The following SRGAP3 variants were observed in gnomAD, a reference collection of about 807,000 sequenced individuals.
SRGAP3 encodes SLIT-ROBO Rho GTPase-activating protein 3.
In SRGAP3, 39 loss-of-function variants were observed where a neutral mutation model predicts 121.1. That is an observed-to-expected ratio of 0.32 (90% confidence interval 0.25 to 0.42). SRGAP3 has a LOEUF of 0.42. Among genes scored for constraint, SRGAP3 ranks in the 10% least tolerant of loss-of-function variants. The pLI, the probability that SRGAP3 is intolerant of heterozygous loss-of-function variation, is 1.00. For missense variants in SRGAP3, 1,213 were observed against 1,470.6 expected, an observed-to-expected ratio of 0.82 and a Z score of 2.86; for synonymous variants, 601 against 570.0, an observed-to-expected ratio of 1.05 and a Z score of -0.77.
chr3:9,089,305 G>C (rs1386527660), intron 3 of SRGAP3, among the ~76,000 whole-genome samples: 1 of 97,410 alleles, frequency 1.0e-5, no homozygotes, highest in Non-Finnish European at 2.3e-5. Context: ...GGGGGGGGGG[G>C]GGGCTGGAGG....
At chr3:9,142,979 A>T (rs1174398302) in intron 1 of SRGAP3, among the ~76,000 whole-genome samples, 1 of 151,524 alleles carries the variant, frequency 6.6e-6, no homozygotes, top group Non-Finnish European at 1.5e-5. Context: ...CTGGGACTAT[A>T]GGCATGCACC....
At position 9,011,490 on chromosome 3, in the gene SRGAP3, C is replaced by T. The variant is rs561198750; in HGVS notation, c.2148-1103G>A. On this transcript the variant is annotated intron_variant, in intron 17 of 21. Transcript: ENST00000383836. ...TGTCACACATGCTATGCTCTGACCA[C>T]ACTGAACTGCTTTTCATTCTACTGA... Among the ~76,000 whole-genome samples the T allele has an allele frequency of 1.2e-4, 19 of 152,346 alleles. 1 individual carries two copies. In the South Asian group the frequency reaches 3.9e-3, roughly 32 times the overall value.
intron 4 of SRGAP3, among the ~76,000 whole-genome samples, chr3:9,070,582 G>C (rs549827929): frequency 6.6e-6 from 1 of 152,288 alleles, no homozygotes; most frequent in African/African-American, 2.4e-5. Flanking sequence ...TGAATGGATG[G>C]GTAGATGGAT....
At chr3:9,362,162 CTTTTTTTTTTT>C (rs36036357) in intron 1 of SRGAP3, among the ~76,000 whole-genome samples, 20 of 90,960 alleles carry the variant, frequency 2.2e-4, no homozygotes, top group South Asian at 7.3e-4. Context: ...AGGTTCAACT[CTTTTTTTTTTT>C]TTTTTTTTTT....
In SRGAP3 at chr3:9,215,464, C is replaced by T. The variant is rs552965755; in HGVS notation, c.67+33421G>A. Among the ~76,000 whole-genome samples, 7 of 152,316 alleles carry T rather than the reference C, an allele frequency of 4.6e-5. No individual in the cohort carries two copies. In the South Asian group the frequency reaches 1.5e-3, roughly 32 times the overall value. ...CCCAGAGCTGTGGTCCTTCTGTGAC[C>T]CAAGCTCCTCTCTGCTCAATGCTGA... On this transcript the variant is annotated intron_variant, in intron 1 of 21. Coordinates refer to ENST00000383836, the MANE Select transcript of SRGAP3 (RefSeq NM_014850.4).
intron 1 of SRGAP3, among the ~76,000 whole-genome samples, chr3:9,341,111 T>C (rs1020962472): frequency 2.0e-5 from 3 of 152,168 alleles, no homozygotes; most frequent in Non-Finnish European, 4.4e-5. Context: ...CCTATGTGAT[T>C]AGGACACCAC....
chr3:9,124,323 G>A (rs1367991091), intron 2 of SRGAP3, among the ~76,000 whole-genome samples: 1 of 152,214 alleles, frequency 6.6e-6, no homozygotes, highest in Non-Finnish European at 1.5e-5. Context: ...GAAGAAGGCT[G>A]GCTGACACCC....
intron 14 of SRGAP3, among the ~76,000 whole-genome samples, chr3:9,024,596 T>G (rs59546217): frequency 0.045 from 6,892 of 152,206 alleles, 520 homozygotes; most frequent in African/African-American, 0.16. Flanking sequence ...ACCAAATGTA[T>G]CATATGTGTC....
intron 1 of SRGAP3, among the ~76,000 whole-genome samples, chr3:9,245,834 G>A (rs1232415622): frequency 1.3e-5 from 2 of 152,098 alleles, no homozygotes; most frequent in Admixed American, 1.3e-4. Flanking sequence ...TGAGGGAGGA[G>A]AATCTCTTGA....
chr3:9,067,010 G>A (rs1010444338), intron 4 of SRGAP3, among the ~76,000 whole-genome samples: 1 of 152,282 alleles, frequency 6.6e-6, no homozygotes. Flanking sequence ...TTCCTCGTCT[G>A]TAAAAATGGG....
chr3:9,222,062 C>G (rs537563716), intron 1 of SRGAP3, among the ~76,000 whole-genome samples: 1 of 152,298 alleles, frequency 6.6e-6, no homozygotes, highest in South Asian at 2.1e-4. Flanking sequence ...TCAATCCCAT[C>G]CCACTGGCCA....
intron 1 of SRGAP3, among the ~76,000 whole-genome samples, chr3:9,331,784 T>C (rs972812160): frequency 6.6e-6 from 1 of 152,060 alleles, no homozygotes; most frequent in African/African-American, 2.4e-5. Context: ...TAAAATGAAA[T>C]ACCACATGGA....
chr3:9,206,226 C>A (rs1029052695), intron 1 of SRGAP3, among the ~76,000 whole-genome samples: 2 of 152,184 alleles, frequency 1.3e-5, no homozygotes, highest in Non-Finnish European at 2.9e-5. Context: ...CTAACCTCTA[C>A]GTGCATTATT....
chr3:9,171,471 G>A (rs75294325), intron 1 of SRGAP3, among the ~76,000 whole-genome samples: 119 of 152,346 alleles, frequency 7.8e-4, no homozygotes, highest in Non-Finnish European at 1.1e-3. Context: ...TAATAAATGA[G>A]AAGGACTTTT....
chr3:9,314,160 G>A (rs961024545), intron 3 of SRGAP3, among the ~76,000 whole-genome samples: 6 of 152,134 alleles, frequency 3.9e-5, no homozygotes, highest in Non-Finnish European at 7.3e-5. Flanking sequence ...ATAAAAATAC[G>A]GGACAAGAAA....
intron 1 of SRGAP3, among the ~76,000 whole-genome samples, chr3:9,134,369 A>G (rs1164006896): frequency 6.6e-6 from 1 of 152,170 alleles, no homozygotes; most frequent in Non-Finnish European, 1.5e-5. Flanking sequence ...TCTGCTCCAC[A>G]GGGGCAGCTG....
chr3:9,173,070 C>T (rs1270014031), intron 1 of SRGAP3, among the ~76,000 whole-genome samples: 2 of 152,192 alleles, frequency 1.3e-5, no homozygotes, highest in African/African-American at 2.4e-5. Context: ...CAGGGCCAGC[C>T]GAGTCAGCTG....
At chr3:9,295,524 A>G (rs1954937978) in intron 3 of SRGAP3, among the ~76,000 whole-genome samples, 1 of 152,232 alleles carries the variant, frequency 6.6e-6, no homozygotes, top group African/African-American at 2.4e-5. Context: ...CTGAGAGCCC[A>G]CTAAAATGAC....
intron 1 of SRGAP3, among the ~76,000 whole-genome samples, chr3:9,170,325 G>T (rs1290035200): frequency 6.6e-6 from 1 of 152,296 alleles, no homozygotes; most frequent in East Asian, 1.9e-4. Flanking sequence ...CATTGTCTTA[G>T]TATTTGGCTT....
Sources: allele counts gnomAD v4.1 joint callset (sites outside exome capture counted in the v4.1 genomes callset), GRCh38; gene constraint gnomAD v4.1.1; transcripts MANE v1.5; gene names NCBI Gene and HGNC (gene_info 2026-07-23, HGNC 2026-07-21).